EYS: variants seen among roughly 807,000 people sequenced by gnomAD.
EYS encodes the protein protein eyes shut homolog.
In EYS, 250 loss-of-function variants were observed where a neutral mutation model predicts 282.1. That is an observed-to-expected ratio of 0.89 (90% CI 0.80 to 0.98). EYS has a LOEUF of 0.98. Ranked by LOEUF, EYS falls within the 50% of genes least tolerant of loss-of-function variation. The pLI is 0.00. For synonymous variants in EYS, 1,355 were observed against 1,282.9 expected, an observed-to-expected ratio of 1.06 and a Z score of -1.20; for missense variants, 4,016 against 3,709.0, an observed-to-expected ratio of 1.08 and a Z score of -2.15.
At chr6:64,344,032 A>T (rs1403291202) in intron 29 of EYS, among the ~76,000 whole-genome samples, 1 of 152,148 alleles carries the variant, frequency 6.6e-6, no homozygotes, top group Non-Finnish European at 1.5e-5. Flanking sequence ...TGAATAGACC[A>T]ATAACAGGCT....
At chr6:64,936,086 T>C (rs1768895887) in intron 15 of EYS, among the ~76,000 whole-genome samples, 1 of 151,570 alleles carries the variant, frequency 6.6e-6, no homozygotes, top group Non-Finnish European at 1.5e-5. Flanking sequence ...TACAAAGAAA[T>C]ATACATTATG....
chr6:64,853,876 C>T (rs1300516827), intron 19 of EYS, among the ~76,000 whole-genome samples: 1 of 152,086 alleles, frequency 6.6e-6, no homozygotes, highest in South Asian at 2.1e-4. Context: ...TATCCAGAAT[C>T]TACAAAGAAC....
chr6:65,149,627 C>T (rs72881721), intron 12 of EYS, among the ~76,000 whole-genome samples: 23,101 of 147,766 alleles, frequency 0.16, 1,846 homozygotes, highest in Non-Finnish European at 0.18. Flanking sequence ...CAAATCACTA[C>T]TAGCATTTTG....
At chr6:64,480,805 A>G (rs1337508) in intron 26 of EYS, among the ~76,000 whole-genome samples, 47,886 of 151,476 alleles carry the variant, frequency 0.32, 7,672 homozygotes, top group East Asian at 0.5. Flanking sequence ...TACTGCTGTT[A>G]CATAAATTCT....
At chr6:65,054,429 A>G (rs1263860918) in intron 13 of EYS, among the ~76,000 whole-genome samples, 2 of 152,048 alleles carry the variant, frequency 1.3e-5, no homozygotes, top group African/African-American at 2.4e-5. Context: ...ATTTTTATGA[A>G]CCACATTGCA....
chr6:63,885,891 T>C (rs939954272), intron 35 of EYS, among the ~76,000 whole-genome samples: 5 of 152,220 alleles, frequency 3.3e-5, no homozygotes, highest in African/African-American at 1.2e-4. Flanking sequence ...TTTTGAGCAA[T>C]ATTCTTCTTC....
intron 2 of EYS, among the ~76,000 whole-genome samples, chr6:65,512,450 C>A (rs557893099): frequency 8.1e-5 from 12 of 148,182 alleles, no homozygotes; most frequent in African/African-American, 3.0e-4. Flanking sequence ...GATTGAGCCA[C>A]TGCACTCCAT....
At chr6:63,734,293 G>C (rs911549182) in intron 41 of EYS, among the ~76,000 whole-genome samples, 1 of 151,982 alleles carries the variant, frequency 6.6e-6, no homozygotes, top group Admixed American at 6.6e-5. Flanking sequence ...AAAAAAACTT[G>C]TGTAGAAACA....
chr6:64,647,229 C>G (rs191741256), intron 22 of EYS, among the ~76,000 whole-genome samples: 1 of 151,938 alleles, frequency 6.6e-6, no homozygotes, highest in Non-Finnish European at 1.5e-5. Context: ...AGTAAAGTAC[C>G]TCCTGACAAA....
intron 5 of EYS, among the ~76,000 whole-genome samples, chr6:65,454,393 T>G (rs920693945): frequency 7.2e-5 from 11 of 152,020 alleles, no homozygotes; most frequent in Admixed American, 5.9e-4. Flanking sequence ...TCTTATATAT[T>G]CTGAATATAA....
chr6:65,369,316 TTATATA>T, intron 8 of EYS, among the ~76,000 whole-genome samples: 1 of 81,766 alleles, frequency 1.2e-5, no homozygotes, highest in African/African-American at 3.6e-5. Flanking sequence ...AATATATATA[TTATATA>T]TATATATTTA....
intron 26 of EYS, among the ~76,000 whole-genome samples, chr6:64,497,833 G>A (rs1192089803): frequency 6.6e-6 from 1 of 152,056 alleles, no homozygotes; most frequent in African/African-American, 2.4e-5. Context: ...CAAAAGGAAG[G>A]AAGAAGAAAG....
At chr6:65,346,280 A>C (rs1390661471) in intron 9 of EYS, among the ~76,000 whole-genome samples, 1 of 151,824 alleles carries the variant, frequency 6.6e-6, no homozygotes, top group Non-Finnish European at 1.5e-5. Flanking sequence ...ACTCCAAACG[A>C]GAGAGAACAA....
chr6:64,152,525 A>G (rs1415618054), intron 31 of EYS, among the ~76,000 whole-genome samples: 1 of 152,138 alleles, frequency 6.6e-6, no homozygotes, highest in African/African-American at 2.4e-5. Context: ...AATTTTTAGT[A>G]GTTTAGGGGC....
intron 22 of EYS, among the ~76,000 whole-genome samples, chr6:64,766,649 A>ATATATATATATATATATATAT (rs1554201272): frequency 1.6e-4 from 3 of 19,068 alleles, no homozygotes; most frequent in East Asian, 1.2e-3. Flanking sequence ...AAAAAAAAAA[A>ATATATATATATATATATATAT]ATATATATAT....
chr6:64,941,613 C>T (rs1432678210), intron 15 of EYS, among the ~76,000 whole-genome samples: 3 of 152,014 alleles, frequency 2.0e-5, no homozygotes, highest in Non-Finnish European at 4.4e-5. Flanking sequence ...TACCTCCTTC[C>T]CTTCCCACTC....
chr6:65,313,273 C>A (rs1022476919), intron 11 of EYS, among the ~76,000 whole-genome samples: 1 of 151,732 alleles, frequency 6.6e-6, no homozygotes, highest in African/African-American at 2.4e-5. Context: ...CTCTAAAAAC[C>A]ATCCAAATGT....
At chr6:63,982,119 A>G (rs1283161454) in intron 35 of EYS, among the ~76,000 whole-genome samples, 2 of 151,884 alleles carry the variant, frequency 1.3e-5, no homozygotes, top group African/African-American at 2.4e-5. Context: ...ACTAAATATC[A>G]GAAAGTTAAT....
intron 35 of EYS, among the ~76,000 whole-genome samples, chr6:63,960,643 A>G (rs932116996): frequency 5.3e-5 from 8 of 152,238 alleles, no homozygotes; most frequent in African/African-American, 1.9e-4. Flanking sequence ...TCTAACCTTC[A>G]GTGACCACTA....
Sources: gnomAD v4.1 joint callset for allele counts (sites outside exome capture counted in the v4.1 genomes callset) on GRCh38, gnomAD v4.1.1 for gene constraint, MANE v1.5 for transcripts, NCBI Gene and HGNC (gene_info 2026-07-23, HGNC 2026-07-21) for gene names.